SDCCAG8: variants seen among roughly 807,000 people sequenced by gnomAD.
SDCCAG8 encodes serologically defined colon cancer antigen 8.
SDCCAG8 carries 74 observed loss-of-function variants against 101.8 expected under a neutral mutation model. The ratio of observed to expected loss-of-function variants is 0.73; its 90% CI spans 0.60 to 0.88. The LOEUF is 0.88. SDCCAG8 is among the 40% of genes least tolerant of loss of function. The probability of loss-of-function intolerance (pLI) is 0.00; values close to 1 mark genes in which losing one functional copy is unlikely to be tolerated. For synonymous variants in SDCCAG8, 281 were observed against 292.9 expected (o/e 0.96, Z 0.41); for missense variants, 787 against 822.6 (o/e 0.96, Z 0.53).
rs1314438459 is a variant in SDCCAG8 at position 243,315,756 on chromosome 1, T to C, written c.930-999T>C. Among the ~76,000 whole-genome samples, 8 of 152,326 alleles carry C rather than the reference T, an allele frequency of 5.3e-5. No individual in the cohort carries two copies. The East Asian group carries it at 1.5e-3, about 29-fold the overall frequency. ...AAAAAAAAATCATAGTTGGCCCTTT[T>C]CTCATAGTTTAGACCTTGGCAATGA... On this transcript the variant is annotated intron_variant, in intron 8 of 17. Transcript: ENST00000366541.
intron 6 of SDCCAG8, among the ~76,000 whole-genome samples, chr1:243,299,666 G>A (rs1030913778): frequency 2.0e-5 from 3 of 151,920 alleles, no homozygotes; most frequent in Non-Finnish European, 4.4e-5. Flanking sequence ...CGCCTGCCTC[G>A]GCCTCCCACA....
chr1:243,256,236 C>T lies in SDCCAG8; in HGVS notation c.63C>T (p.Leu21=), dbSNP rs763991953. ...EEILGQYQRS[L]REHASRSIHQ... is the part of the protein sequence containing the mutation. Reference sequence around the variant, plus strand: ...TTCTGGGGCAGTATCAACGGAGTCTCCGGGGTGAGTTGCTCCAAACCTCTG... The same window carrying T: ...TTCTGGGGCAGTATCAACGGAGTCTTCGGGGTGAGTTGCTCCAAACCTCTG... The change falls in exon 1 of 18, where the codon CTC becomes CTT. Residue 21 remains leucine, a synonymous_variant. Coordinates refer to ENST00000366541, the MANE Select transcript of SDCCAG8 (RefSeq NM_006642.5). 3.7e-6 allele frequency: 6 copies of T among 1,614,000 alleles called. No individual in the cohort carries two copies. In the African/African-American group the frequency reaches 8.0e-5, roughly 22 times the overall value.
intron 12 of SDCCAG8, among the ~76,000 whole-genome samples, chr1:243,347,158 T>C (rs1311117005): frequency 6.6e-6 from 1 of 152,174 alleles, no homozygotes; most frequent in Non-Finnish European, 1.5e-5. Flanking sequence ...TGCTCCACCT[T>C]CTCATCTTCA....
chr1:243,391,677 A>G (rs2078709343), intron 13 of SDCCAG8, among the ~76,000 whole-genome samples: 1 of 152,222 alleles, frequency 6.6e-6, no homozygotes, highest in Admixed American at 6.5e-5. Context: ...CATCCCTTTG[A>G]CACCTTTCCT....
chr1:243,330,488 T>G, intron 9 of SDCCAG8, 52 bp from the exon 10 acceptor site: 1 of 1,583,240 alleles, frequency 6.3e-7, no homozygotes, highest in South Asian at 1.1e-5. Flanking sequence ...TCATTTTACC[T>G]ATATTTTTTC....
At chr1:243,457,316 TC>T (rs1282124219) in intron 16 of SDCCAG8, among the ~76,000 whole-genome samples, 1 of 152,186 alleles carries the variant, frequency 6.6e-6, no homozygotes, top group Non-Finnish European at 1.5e-5. Context: ...CAAAAATAAT[TC>T]ATGTAAATGT....
chr1:243,447,553 CCTT>C (rs1332648792), intron 16 of SDCCAG8, among the ~76,000 whole-genome samples: 7 of 152,216 alleles, frequency 4.6e-5, no homozygotes, highest in Non-Finnish European at 7.4e-5. Flanking sequence ...CCTGTTTACT[CCTT>C]TGCTACACTG....
chr1:243,438,450 T>C (rs1049140084), intron 16 of SDCCAG8, among the ~76,000 whole-genome samples: 1 of 151,842 alleles, frequency 6.6e-6, no homozygotes, highest in Non-Finnish European at 1.5e-5. Flanking sequence ...AGCTCTCTGA[T>C]TGGCTCAAGA....
chr1:243,465,324 GAC>G (rs1659909736), intron 16 of SDCCAG8, among the ~76,000 whole-genome samples: 1 of 152,240 alleles, frequency 6.6e-6, no homozygotes, highest in Non-Finnish European at 1.5e-5. Flanking sequence ...GAGCATCTGA[GAC>G]AGGCCTGGAG....
chr1:243,411,947 T>A lies in SDCCAG8; in HGVS notation c.1617-3755T>A, dbSNP rs2080212316. 1.3e-5 allele frequency among the ~76,000 whole-genome samples: 2 copies of A among 152,182 alleles called. 1 individual carries two copies. The highest frequency in any genetic ancestry group is 4.1e-4 in the South Asian group (2 of 4,836). On this transcript the variant is annotated intron_variant, in intron 13 of 17. Coordinates refer to ENST00000366541, the MANE Select transcript of SDCCAG8 (RefSeq NM_006642.5). The stretch of plus-strand genomic sequence containing the variant: ...TGAGTGGGAATTAAAGCAAACCAAT[T>A]GGAGAGACTGGCTTGACCATCCTTC...
At chr1:243,271,304 A>G (rs2068062604) in intron 3 of SDCCAG8, among the ~76,000 whole-genome samples, 1 of 150,492 alleles carries the variant, frequency 6.6e-6, no homozygotes, top group East Asian at 1.9e-4. Context: ...AGTTTGGAGA[A>G]TTTATTTTGC....
chr1:243,282,857 A>C lies in SDCCAG8; in HGVS notation c.421-3415A>C, dbSNP rs535416492. Among the ~76,000 whole-genome samples, 24 of 151,800 alleles carry C rather than the reference A, an allele frequency of 1.6e-4. No individual in the cohort carries two copies. The South Asian group carries it at 5.0e-3, about 32-fold the overall frequency. ...TGATTTTTGTTTTTTAATTATTATT[A>C]TTTATTTGAGACTGAGTCTCGCTCT... On this transcript the variant is annotated intron_variant, in intron 4 of 17. Transcript: ENST00000366541.
At chr1:243,327,352 AATT>A (rs1265582932) in intron 9 of SDCCAG8, among the ~76,000 whole-genome samples, 4 of 146,300 alleles carry the variant, frequency 2.7e-5, no homozygotes, top group Non-Finnish European at 6.0e-5. Context: ...TAGAAATTAA[AATT>A]ATAATTATAA....
intron 9 of SDCCAG8, among the ~76,000 whole-genome samples, chr1:243,325,268 G>A (rs2074069351): frequency 6.6e-6 from 1 of 152,110 alleles, no homozygotes; most frequent in Admixed American, 6.5e-5. Context: ...CAACACTATT[G>A]TTCATTAGGA....
chr1:243,334,523 G>A (rs1326609908), intron 10 of SDCCAG8, among the ~76,000 whole-genome samples: 1 of 152,132 alleles, frequency 6.6e-6, no homozygotes, highest in East Asian at 1.9e-4. Context: ...GATATTGCAT[G>A]TGCTTTGCCC....
chr1:243,429,695 A>ATTTTTTTT (rs796450909), intron 16 of SDCCAG8, among the ~76,000 whole-genome samples: 2 of 92,938 alleles, frequency 2.2e-5, no homozygotes, highest in African/African-American at 8.8e-5. Context: ...TGCTCTGCTA[A>ATTTTTTTT]TTTTTTTTTT....
intron 16 of SDCCAG8, among the ~76,000 whole-genome samples, chr1:243,472,377 TTTTG>T (rs1661433438): frequency 6.6e-6 from 1 of 152,138 alleles, no homozygotes; most frequent in Non-Finnish European, 1.5e-5. Flanking sequence ...TGGTGGGCAT[TTTTG>T]TTTGTTTGTC....
At chr1:243,447,271 A>C (rs1427420848) in intron 16 of SDCCAG8, among the ~76,000 whole-genome samples, 1 of 151,018 alleles carries the variant, frequency 6.6e-6, no homozygotes, top group Non-Finnish European at 1.5e-5. Context: ...AAAAAAAAAA[A>C]AAAAACCATG....
intron 16 of SDCCAG8, among the ~76,000 whole-genome samples, chr1:243,478,956 CAAAAAAAA>C (rs148382740): frequency 1.1e-5 from 1 of 94,726 alleles, no homozygotes; most frequent in Middle Eastern, 4.9e-3. Flanking sequence ...GACTCTGTCT[CAAAAAAAA>C]AAAAAAAAAA....
Sources: allele counts gnomAD v4.1 joint callset (sites outside exome capture counted in the v4.1 genomes callset), GRCh38; gene constraint gnomAD v4.1.1; transcripts MANE v1.5; gene names NCBI Gene and HGNC (gene_info 2026-07-23, HGNC 2026-07-21).